SEM1: variants seen among roughly 807,000 people sequenced by gnomAD.
SEM1 encodes 26S proteasome complex subunit SEM1.
A neutral mutation model predicts 12.7 loss-of-function variants in SEM1; 3 were observed. The ratio of observed to expected loss-of-function variants is 0.24; its 90% CI spans 0.11 to 0.61. The LOEUF is 0.61. Among genes scored for constraint, SEM1 ranks in the 20% least tolerant of loss-of-function variants. The probability of loss-of-function intolerance (pLI) is 0.88; values close to 1 mark genes in which losing one functional copy is unlikely to be tolerated. For synonymous variants in SEM1, 30 were observed against 27.8 expected, an observed-to-expected ratio of 1.08 and a Z score of -0.25; for missense variants, 59 against 81.3, an observed-to-expected ratio of 0.73 and a Z score of 1.06.
At chr7:96,513,102 C>T in intron 2 of SEM1, among the ~76,000 whole-genome samples, 1 of 152,044 alleles carries the variant, frequency 6.6e-6, no homozygotes, top group Non-Finnish European at 1.5e-5. Context: ...TCCAATATAA[C>T]CGTGTCCTTA....
chr7:96,684,831 G>C (rs1789717931), downstream of SEM1, among the ~76,000 whole-genome samples: 1 of 152,040 alleles, frequency 6.6e-6, no homozygotes, highest in African/African-American at 2.4e-5. Context: ...CAAAACAGGA[G>C]ATTTGGAATC....
chr7:96,699,074 C>CA (rs1272379772), intron 1 of SEM1, among the ~76,000 whole-genome samples: 3 of 152,152 alleles, frequency 2.0e-5, no homozygotes, highest in Non-Finnish European at 4.4e-5. Context: ...TTGGTACCCT[C>CA]ATTCTGATCT....
intron 2 of SEM1, among the ~76,000 whole-genome samples, chr7:96,663,279 T>C (rs1269734499): frequency 1.3e-5 from 2 of 152,096 alleles, no homozygotes; most frequent in Non-Finnish European, 2.9e-5. Context: ...AAAATTTCCA[T>C]AAGAAGAAAT....
chr7:96,521,812 G>A (rs1423029569), intron 2 of SEM1, among the ~76,000 whole-genome samples: 1 of 152,064 alleles, frequency 6.6e-6, no homozygotes, highest in African/African-American at 2.4e-5. Context: ...ACTGCCTGGG[G>A]TTTGCCATTC....
chr7:96,684,385 C>T (rs1231976080), downstream of SEM1, among the ~76,000 whole-genome samples: 3 of 151,974 alleles, frequency 2.0e-5, no homozygotes. Context: ...AAACACACCC[C>T]ACCCTGAGCT....
At chr7:96,484,803 AT>A (rs1178025311) in intron 3 of SEM1, 1 of 1,273,684 alleles carries the variant, frequency 7.9e-7, no homozygotes, top group South Asian at 1.2e-5. Context: ...ATTTATATCC[AT>A]TTATATCTTT....
intron 2 of SEM1, among the ~76,000 whole-genome samples, chr7:96,536,024 A>G (rs1439568744): frequency 6.6e-6 from 1 of 151,864 alleles, no homozygotes; most frequent in East Asian, 1.9e-4. Context: ...TAGTTCTTTG[A>G]GGAATAACCA....
intron 2 of SEM1, among the ~76,000 whole-genome samples, chr7:96,694,007 G>A (rs1226154252): frequency 1.3e-5 from 2 of 151,788 alleles, no homozygotes; most frequent in Admixed American, 6.6e-5. Context: ...ATATTATTCA[G>A]CCATAAAAAG....
intron 2 of SEM1, among the ~76,000 whole-genome samples, chr7:96,511,422 A>T (rs537108434): frequency 1.4e-4 from 21 of 152,254 alleles, no homozygotes; most frequent in Non-Finnish European, 2.4e-4. Flanking sequence ...AATTATGAAA[A>T]GTCTTCATGG....
rs1273895337 is a variant in SEM1, at chr7:96,676,886, C to CT, written c.171-3028dup. Among the ~76,000 whole-genome samples the CT allele has an allele frequency of 2.0e-5, 3 of 152,272 alleles. No individual in the cohort carries two copies. The East Asian group carries it at 5.8e-4, about 29-fold the overall frequency. ...TGCTTCTTTTCCTTTACAGAGTTTC[C>CT]TTTTACCATATTAAGTCCTCCAGTC... On this transcript the variant is annotated intron_variant, in intron 2 of 2. Coordinates refer to the SEM1 transcript ENST00000413065.
At chr7:96,550,180 C>A (rs1299586636) in intron 2 of SEM1, among the ~76,000 whole-genome samples, 4 of 152,060 alleles carry the variant, frequency 2.6e-5, no homozygotes, top group Admixed American at 2.6e-4. Context: ...TCTATTACAA[C>A]TGTTGTAATA....
chr7:96,563,429 A>G (rs915687343), intron 2 of SEM1, among the ~76,000 whole-genome samples: 1 of 152,172 alleles, frequency 6.6e-6, no homozygotes, highest in Admixed American at 6.5e-5. Context: ...CAGGCAGCAT[A>G]AACAACACTC....
rs1313563838 is a variant in SEM1, at chr7:96,611,238, G to A, written c.170+83560C>T. 2.6e-5 allele frequency among the ~76,000 whole-genome samples: 4 copies of A among 152,072 alleles called. No individual in the cohort carries two copies. The East Asian group carries it at 5.8e-4, about 22-fold the overall frequency. On this transcript the variant is annotated intron_variant and NMD_transcript_variant, in intron 2 of 3. Coordinates refer to the SEM1 transcript ENST00000466986. Reference sequence around the variant, plus strand: ...TCTCATCACTCTTTCAGAGATTCACGTGCTTTTCCCGCATGATGCCCCTGT... The same window carrying A: ...TCTCATCACTCTTTCAGAGATTCACATGCTTTTCCCGCATGATGCCCCTGT...
intron 1 of SEM1, among the ~76,000 whole-genome samples, chr7:96,489,494 C>A (rs1473076809): frequency 6.6e-6 from 1 of 152,132 alleles, no homozygotes; most frequent in East Asian, 1.9e-4. Context: ...TTAGAATCAC[C>A]TAGGGAGCTT....
chr7:96,563,000 A>G (rs945620873), intron 2 of SEM1, among the ~76,000 whole-genome samples: 24 of 152,282 alleles, frequency 1.6e-4, no homozygotes, highest in African/African-American at 5.3e-4. Context: ...TGTGAGTAAA[A>G]TGTTTTGATT....
chr7:96,701,311 C>G (rs1790267961), intron 1 of SEM1, among the ~76,000 whole-genome samples: 1 of 151,484 alleles, frequency 6.6e-6, no homozygotes, highest in Non-Finnish European at 1.5e-5. Flanking sequence ...GGGAGGTAAT[C>G]AGGATTGAAT....
upstream of SEM1, among the ~76,000 whole-genome samples, chr7:96,496,830 A>T (rs1339022025): frequency 2.0e-5 from 3 of 152,222 alleles, no homozygotes; most frequent in Admixed American, 1.3e-4. Context: ...GCATTTTTTT[A>T]AAGTCTGAAT....
At chr7:96,702,501 G>T (rs113851823) in intron 1 of SEM1, among the ~76,000 whole-genome samples, 2,167 of 152,278 alleles carry the variant, frequency 0.014, 43 homozygotes, top group African/African-American at 0.05. Flanking sequence ...GGACACAGAA[G>T]ACAGCCTGAA....
At chr7:96,556,924 G>A (rs1367212680) in intron 2 of SEM1, among the ~76,000 whole-genome samples, 46 of 146,268 alleles carry the variant, frequency 3.1e-4, no homozygotes, top group African/African-American at 1.1e-3. Flanking sequence ...TTCCCTTCTC[G>A]CTTCATTTCA....
Sources: allele counts gnomAD v4.1 joint callset (sites outside exome capture counted in the v4.1 genomes callset), GRCh38; gene constraint gnomAD v4.1.1; transcripts MANE v1.5; gene names NCBI Gene and HGNC (gene_info 2026-07-23, HGNC 2026-07-21).